GABRA1: variants seen among roughly 807,000 people sequenced by gnomAD.
The protein encoded by GABRA1 is gamma-aminobutyric acid type A receptor subunit alpha1.
Under a neutral mutation model 48.9 loss-of-function variants are expected in GABRA1, and 9 were observed. The ratio of observed to expected loss-of-function variants is 0.18; its 90% confidence interval spans 0.11 to 0.32. GABRA1 has a LOEUF of 0.32. Ranked by LOEUF, GABRA1 falls within the 10% of genes least tolerant of loss-of-function variation. The pLI, the probability that GABRA1 is intolerant of heterozygous loss-of-function variation, is 1.00. For missense variants in GABRA1, 285 were observed against 553.8 expected (o/e 0.51, Z 4.87); for synonymous variants, 210 against 198.7 (o/e 1.06, Z -0.48).
intron 4 of GABRA1, among the ~76,000 whole-genome samples, chr5:161,870,644 A>T (rs1754073122): frequency 6.6e-6 from 1 of 151,912 alleles, no homozygotes; most frequent in Non-Finnish European, 1.5e-5. Flanking sequence ...AAAGAAAGAA[A>T]GAAAGAAAAA....
chr5:161,865,996 A>G (rs2113355225), intron 4 of GABRA1, among the ~76,000 whole-genome samples: 1 of 152,014 alleles, frequency 6.6e-6, no homozygotes, highest in East Asian at 1.9e-4. Flanking sequence ...TATTTCCATG[A>G]TTTTCAACCA....
chr5:161,871,736 GAC>G (rs746167942), intron 4 of GABRA1, among the ~76,000 whole-genome samples: 2 of 152,088 alleles, frequency 1.3e-5, no homozygotes, highest in Non-Finnish European at 2.9e-5. Context: ...GACACTTCCA[GAC>G]ACAAAATCCT....
At chr5:161,871,921 C>T (rs1408652858) in intron 4 of GABRA1, among the ~76,000 whole-genome samples, 1 of 152,138 alleles carries the variant, frequency 6.6e-6, no homozygotes, top group Non-Finnish European at 1.5e-5. Context: ...AAACATGTGC[C>T]AGAGAACACA....
At chr5:161,866,657 G>T (rs1240406044) in intron 4 of GABRA1, among the ~76,000 whole-genome samples, 4 of 152,084 alleles carry the variant, frequency 2.6e-5, no homozygotes, top group Non-Finnish European at 5.9e-5. Context: ...GCCCTGACAA[G>T]TTCTGAGGTA....
At chr5:161,867,154 C>T (rs1581191757) in intron 4 of GABRA1, among the ~76,000 whole-genome samples, 1 of 152,126 alleles carries the variant, frequency 6.6e-6, no homozygotes, top group Non-Finnish European at 1.5e-5. Flanking sequence ...CTGTAGACCA[C>T]TTTATTGAAA....
intron 6 of GABRA1, chr5:161,882,228 T>C: frequency 2.7e-6 from 1 of 364,616 alleles, no homozygotes; most frequent in South Asian, 2.4e-5. Context: ...TACATACGTA[T>C]TTGCTTATAT....
intron 8 of GABRA1, among the ~76,000 whole-genome samples, chr5:161,893,048 T>TAATAATAAA (rs5872733): frequency 0.073 from 10,416 of 141,812 alleles, 484 homozygotes; most frequent in Non-Finnish European, 0.078. Context: ...ATAATAATAA[T>TAATAATAAA]AAAATAAACA....
intron 8 of GABRA1, 129 bp downstream of exon 8, chr5:161,891,179 C>G: frequency 1.2e-6 from 1 of 866,414 alleles, no homozygotes; most frequent in Middle Eastern, 2.3e-4. Context: ...CAGAAAGTTT[C>G]AAGGAATTGC....
At chr5:161,884,539 C>T (rs572204670) in intron 7 of GABRA1, among the ~76,000 whole-genome samples, 8 of 152,000 alleles carry the variant, frequency 5.3e-5, no homozygotes, top group Non-Finnish European at 1.2e-4. Context: ...AAAAGTAAAT[C>T]CAGCTTAAGA....
chr5:161,857,029 C>T (rs553024785), intron 3 of GABRA1, among the ~76,000 whole-genome samples: 1 of 150,984 alleles, frequency 6.6e-6, no homozygotes, highest in Non-Finnish European at 1.5e-5. Context: ...AATTGCAAAA[C>T]AGACCCTCCC....
chr5:161,866,971 C>A (rs975582130), intron 4 of GABRA1, among the ~76,000 whole-genome samples: 3 of 152,066 alleles, frequency 2.0e-5, no homozygotes, highest in Non-Finnish European at 4.4e-5. Flanking sequence ...AGGGTATATC[C>A]TTAGGGAAGT....
At chr5:161,859,872 G>A (rs1430407663) in intron 3 of GABRA1, among the ~76,000 whole-genome samples, 1 of 151,370 alleles carries the variant, frequency 6.6e-6, no homozygotes, top group African/African-American at 2.4e-5. Flanking sequence ...CCAATCTCTT[G>A]TTGTTGTTTT....
At chr5:161,863,784 A>C (rs187925293) in intron 3 of GABRA1, among the ~76,000 whole-genome samples, 1 of 151,944 alleles carries the variant, frequency 6.6e-6, no homozygotes, top group Admixed American at 6.6e-5. Flanking sequence ...TGTATTATAT[A>C]GTTATATACG....
At chr5:161,863,240 A>C (rs1757929189) in intron 3 of GABRA1, among the ~76,000 whole-genome samples, 1 of 151,904 alleles carries the variant, frequency 6.6e-6, no homozygotes, top group Non-Finnish European at 1.5e-5. Context: ...TTATATTTGA[A>C]TAGAAAGTGG....
chr5:161,875,192 C>T (rs1754292174), intron 5 of GABRA1, among the ~76,000 whole-genome samples: 1 of 152,144 alleles, frequency 6.6e-6, no homozygotes, highest in Admixed American at 6.6e-5. Flanking sequence ...TCCATGTCTT[C>T]CTCTCAAGCA....
chr5:161,887,587 T>C (rs1581211836), intron 7 of GABRA1, among the ~76,000 whole-genome samples: 1 of 152,202 alleles, frequency 6.6e-6, no homozygotes. Context: ...TTAAAAAACA[T>C]AACCACCACT....
At chr5:161,887,893 A>T (rs1475232672) in intron 7 of GABRA1, among the ~76,000 whole-genome samples, 5 of 152,142 alleles carry the variant, frequency 3.3e-5, no homozygotes, top group African/African-American at 9.7e-5. Flanking sequence ...AAAAACTATT[A>T]TATTAATTGG....
At position 161,876,902 on chromosome 5, in the gene GABRA1, T is replaced by A. The variant is rs1027396228; in HGVS notation, c.559+1260T>A. 2.0e-5 allele frequency among the ~76,000 whole-genome samples: 3 copies of A among 152,188 alleles called. No individual in the cohort carries two copies. In the South Asian group the frequency reaches 6.2e-4, roughly 32 times the overall value. ...GTTAGGAAGATCATACGCCGTAGTT[T>A]GCCTGGGACAGTATCGGTTTATGCC... On this transcript the variant is annotated intron_variant, in intron 6 of 9. Coordinates refer to ENST00000393943, the MANE Select transcript of GABRA1 (RefSeq NM_001127644.2).
chr5:161,872,932 C>A, intron 4 of GABRA1, 185 bp from the exon 5 acceptor site: 1 of 593,680 alleles, frequency 1.7e-6, no homozygotes, highest in East Asian at 2.8e-5. Flanking sequence ...TTTAAAAAAT[C>A]ATTACACCAA....
Sources: gnomAD v4.1 joint callset for allele counts (sites outside exome capture counted in the v4.1 genomes callset) on GRCh38, gnomAD v4.1.1 for gene constraint, MANE v1.5 for transcripts, NCBI Gene and HGNC (gene_info 2026-07-23, HGNC 2026-07-21) for gene names.